ZC3H14: variants seen among roughly 807,000 people sequenced by gnomAD.
ZC3H14 encodes the protein zinc finger CCCH-type containing 14.
ZC3H14 carries 31 observed loss-of-function variants against 92.4 expected under a neutral mutation model. The observed-to-expected ratio is 0.34, with a 90% CI of 0.25 to 0.45. The LOEUF is 0.45. ZC3H14 is among the 20% of genes least tolerant of loss of function. ZC3H14 has a pLI of 1.00. For missense variants in ZC3H14, 781 were observed against 897.3 expected, an observed-to-expected ratio of 0.87 and a Z score of 1.66; for synonymous variants, 321 against 300.9, an observed-to-expected ratio of 1.07 and a Z score of -0.69.
intron 12 of ZC3H14, among the ~76,000 whole-genome samples, chr14:88,605,515 G>A (rs559995597): frequency 1.4e-4 from 22 of 152,078 alleles, no homozygotes; most frequent in African/African-American, 5.3e-4. Flanking sequence ...TGTATTTTTT[G>A]TAGAGATGGG....
rs199708291 is a variant in ZC3H14 at position 88,573,404 on chromosome 14, C to CA, written c.861+405dup. On this transcript the variant is annotated intron_variant, in intron 6 of 16. Coordinates refer to ENST00000251038, the MANE Select transcript of ZC3H14 (RefSeq NM_024824.5). ...CAACCAAAAAAGAAAAAACAAAAAACAAAAAAAACACATATTCCAAATTTA... is the reference window on the plus strand; with the variant it reads ...CAACCAAAAAAGAAAAAACAAAAAACAAAAAAAAACACATATTCCAAATTTA... Among the ~76,000 whole-genome samples, 1,373 of 151,542 alleles carry CA rather than the reference C, an allele frequency of 9.1e-3. 9 individuals are homozygous for CA. Among genetic ancestry groups the CA allele is most frequent in the Non-Finnish European group, 0.015 (1,006 of 67,832 alleles).
chr14:88,566,345 A>C (rs2079618926), intron 2 of ZC3H14, among the ~76,000 whole-genome samples: 1 of 152,126 alleles, frequency 6.6e-6, no homozygotes, highest in African/African-American at 2.4e-5. Context: ...GCATAAACCA[A>C]AGAAGGGGCC....
intron 6 of ZC3H14, 39 bp downstream of exon 6, chr14:88,573,046 T>G: frequency 6.2e-7 from 1 of 1,608,782 alleles, no homozygotes; most frequent in South Asian, 1.1e-5. Context: ...AGGCTAAAAA[T>G]CGGCAGTTCT....
At chr14:88,575,186 C>G (rs948451886) in intron 7 of ZC3H14, among the ~76,000 whole-genome samples, 4 of 152,170 alleles carry the variant, frequency 2.6e-5, no homozygotes, top group Admixed American at 1.3e-4. Context: ...GATCTGCCCT[C>G]CTCAGCTTCC....
At chr14:88,575,077 T>C (rs1040659117) in intron 7 of ZC3H14, among the ~76,000 whole-genome samples, 2 of 152,172 alleles carry the variant, frequency 1.3e-5, no homozygotes, top group Non-Finnish European at 2.9e-5. Context: ...GCTGGGATTA[T>C]AGGTGTGCAC....
chr14:88,616,854 T>C lies in ZC3H14; in HGVS notation c.*5103T>C, dbSNP rs769822897. ...GCTTTCTCAGCATGTCTGGACCAGA[T>C]TCCCAAAACCTCATCTCCTAGAATA... is the stretch of plus-strand genomic sequence containing the variant. On this transcript the variant is annotated 3_prime_UTR_variant, in exon 17 of 17. Transcript: ENST00000251038. The C allele has an allele frequency of 1.7e-5, 27 of 1,613,814 alleles. No homozygotes were observed. The highest frequency in any genetic ancestry group is 2.1e-5 in the Non-Finnish European group (25 of 1,179,782).
chr14:88,620,934 T>TAAAAAAAA lies in ZC3H14; in HGVS notation c.*9193_*9200dup, dbSNP rs35953031. The TAAAAAAAA allele has an allele frequency of 8.3e-7, 1 of 1,204,242 alleles. No homozygotes were observed. 74.6% of individuals were successfully genotyped at this position (1,204,242 alleles called of 1,614,324 possible). ...CACTTTGTTTAACATCTTCTGCATT[T>TAAAAAAAA]AAAAAAAAAAAAAAAAAGAGTCATA... On this transcript the variant is annotated 3_prime_UTR_variant, in exon 17 of 17. Coordinates refer to ENST00000251038, the MANE Select transcript of ZC3H14 (RefSeq NM_024824.5). This position sits in a 1 kb window ranked among gnomAD's most constrained non-coding sequence, Gnocchi z 4.3.
chr14:88,572,867 A>G lies in ZC3H14; in HGVS notation c.721A>G (p.Ile241Val). The change falls in exon 6 of 17, where the codon ATT becomes GTT. Residue 241 changes from isoleucine to valine, a missense_variant. Around this residue, in one of 3 missense-constraint regions of ZC3H14, gnomAD observed 454 missense variants for 438.5 expected, o/e 1.04. Transcript: ENST00000251038. The part of the protein sequence containing the change: ...RLQFQQQQNS[I>V]HAAKQLDMQS... ...GCAATTTCAACAGCAGCAGAATAGT[A>G]TTCATGCTGCCAAGCAGCTTGATAT... 12 of 1,614,230 alleles carry G rather than the reference A, an allele frequency of 7.4e-6. No individual in the cohort carries two copies. The highest frequency in any genetic ancestry group is 1.0e-5 in the Non-Finnish European group (12 of 1,180,042).
In ZC3H14 at chr14:88,626,812, C is replaced by T. The variant is rs766226817; in HGVS notation, c.*15061C>T. ...AGAGAATGTAAAGTAGTCAAAGTCA[C>T]ACTATGTGCATTTTAAGAGACATAC... On this transcript the variant is annotated 3_prime_UTR_variant, in exon 17 of 17. Coordinates refer to ENST00000251038, the MANE Select transcript of ZC3H14 (RefSeq NM_024824.5). 6.2e-7 allele frequency: 1 copy of T among 1,611,350 alleles called. No individual in the cohort carries two copies. Among genetic ancestry groups the T allele is most frequent in the Non-Finnish European group, 8.5e-7 (1 of 1,178,512 alleles).
In ZC3H14 at chr14:88,616,298, C is replaced by T. The variant is rs1217934313; in HGVS notation, c.*4547C>T. ...ATTTGGTGCACACAGAAGTCAAAGG[C>T]TCTTATTAGGAACTATAATCTCTAT... On this transcript the variant is annotated 3_prime_UTR_variant, in exon 17 of 17. Coordinates refer to ENST00000251038, the MANE Select transcript of ZC3H14 (RefSeq NM_024824.5). 5.3e-6 allele frequency: 8 copies of T among 1,508,404 alleles called. No homozygotes were observed. Among genetic ancestry groups the T allele is most frequent in the Admixed American group, 1.7e-5 (1 of 59,762 alleles). The allele number at this position is 1,508,404 out of a possible 1,614,324, so 93.4% of individuals were successfully genotyped here.
intron 7 of ZC3H14, among the ~76,000 whole-genome samples, chr14:88,575,266 C>T (rs1410829016): frequency 6.6e-6 from 1 of 152,130 alleles, no homozygotes; most frequent in African/African-American, 2.4e-5. Context: ...CCGTGTAAGA[C>T]TTTTCCATTG....
chr14:88,563,451 G>A, intron 1 of ZC3H14, 200 bp from the exon 2 acceptor site: 2 of 1,441,126 alleles, frequency 1.4e-6, no homozygotes, highest in East Asian at 5.1e-5. Context: ...GATCCGCTGC[G>A]GGAGGTGGGC....
rs2089670797 is a variant in ZC3H14, at chr14:88,624,816, T to C, written c.*13065T>C. On this transcript the variant is annotated 3_prime_UTR_variant, in exon 17 of 17. Coordinates refer to ENST00000251038, the MANE Select transcript of ZC3H14 (RefSeq NM_024824.5). ...ATTAAGACCAGAAATGAGAATCAAA[T>C]AGAAGGCACATAAAAGGTAATAAAG... 1 of 833,526 alleles carries C rather than the reference T, an allele frequency of 1.2e-6. No individual in the cohort carries two copies. Among genetic ancestry groups the C allele is most frequent in the Non-Finnish European group, 1.8e-6 (1 of 552,428 alleles). The allele number at this position is 833,526 out of a possible 1,614,324, so 51.6% of individuals were successfully genotyped here.
Position 88,618,523 on chromosome 14 carries a change from C to T in ZC3H14, c.*6772C>T. On this transcript the variant is annotated 3_prime_UTR_variant, in exon 17 of 17. Transcript: ENST00000251038. Reference sequence around the variant, plus strand: ...GGGGGAGGAAAGGGGAGCTGTAGGTCAGAAGGTACAAAGGGAGGAGTTGAG... The same window carrying T: ...GGGGGAGGAAAGGGGAGCTGTAGGTTAGAAGGTACAAAGGGAGGAGTTGAG... The T allele has an allele frequency of 8.2e-7, 1 of 1,216,758 alleles. No homozygotes were observed. Among genetic ancestry groups the T allele is most frequent in the East Asian group, 2.6e-5 (1 of 39,198 alleles). 75.4% of individuals were successfully genotyped at this position (1,216,758 alleles called of 1,614,324 possible). A position where few individuals can be genotyped will look rare whatever the true frequency, so the allele number is the denominator to read the frequency against.
intron 1 of ZC3H14, 65 bp downstream of exon 1, chr14:88,563,234 A>T (rs1038126891): frequency 1.9e-6 from 3 of 1,566,836 alleles, no homozygotes; most frequent in Non-Finnish European, 1.7e-6. Context: ...GTCAGGAGTA[A>T]CGGGGACTGT....
At position 88,572,882 on chromosome 14, in the gene ZC3H14, C is replaced by T; in HGVS notation, c.736C>T (p.Gln246Ter). ...GCAGAATAGTATTCATGCTGCCAAG[C>T]AGCTTGATATGCAGAGTAGTTGGGT... ...QQQNSIHAAK[Q>*]LDMQSSWVYE... is the part of the protein sequence containing the mutation. The change falls in exon 6 of 17, where the codon CAG becomes TAG. Residue 246 changes from glutamine (Q) to a stop codon, truncating the protein, a stop_gained. Transcript: ENST00000251038. LOFTEE classifies it high-confidence loss of function. The T allele has an allele frequency of 6.2e-7, 1 of 1,614,174 alleles. No homozygotes were observed. The highest frequency in any genetic ancestry group is 8.5e-7 in the Non-Finnish European group (1 of 1,180,048).
Position 88,569,742 on chromosome 14 carries a change from C to T in ZC3H14, c.195-1342C>T, listed in dbSNP as rs544765715. ...AAGTTCTTGCCTTTATACCAAAGGT[C>T]GTCTTCAAGGTGTTTTTGCCCAAGT... is the stretch of plus-strand genomic sequence containing the variant. On this transcript the variant is annotated intron_variant, in intron 3 of 16. Coordinates refer to ENST00000251038, the MANE Select transcript of ZC3H14 (RefSeq NM_024824.5). 3.9e-5 allele frequency among the ~76,000 whole-genome samples: 6 copies of T among 152,300 alleles called. No homozygotes were observed. In the East Asian group the frequency reaches 5.8e-4, roughly 15 times the overall value.
At chr14:88,576,189 A>C (rs917431106) in intron 8 of ZC3H14, among the ~76,000 whole-genome samples, 3 of 152,220 alleles carry the variant, frequency 2.0e-5, no homozygotes, top group Admixed American at 1.3e-4. Context: ...TGTGTGTAAA[A>C]TATATAGTAC....
intron 2 of ZC3H14, among the ~76,000 whole-genome samples, 167 bp downstream of exon 2, chr14:88,563,860 T>C (rs1308354430): frequency 1.3e-5 from 2 of 152,148 alleles, no homozygotes; most frequent in Non-Finnish European, 2.9e-5. Flanking sequence ...TTTTGCAACC[T>C]TGTTTTTTTT....
Sources: allele counts gnomAD v4.1 joint callset (sites outside exome capture counted in the v4.1 genomes callset), GRCh38; gene constraint gnomAD v4.1.1; regional missense constraint gnomAD v4.1.1; non-coding constraint Gnocchi (gnomAD v3.1); transcripts MANE v1.5; gene names NCBI Gene and HGNC (gene_info 2026-07-23, HGNC 2026-07-21).